Variants in GUCA1C observed in about 807,000 individuals in gnomAD.
GUCA1C encodes the protein guanylate cyclase activator 1C.
Under a neutral mutation model 16.2 loss-of-function variants are expected in GUCA1C, and 15 were observed. The ratio of observed to expected loss-of-function variants is 0.93; its 90% CI spans 0.62 to 1.43. GUCA1C has a LOEUF of 1.43. GUCA1C is among the 40% of genes most tolerant of loss of function. The pLI, the probability that GUCA1C is intolerant of heterozygous loss-of-function variation, is 0.00. For missense variants in GUCA1C, 275 were observed against 244.8 expected, an observed-to-expected ratio of 1.12 and a Z score of -0.82; for synonymous variants, 78 against 85.4, an observed-to-expected ratio of 0.91 and a Z score of 0.48.
intron 1 of GUCA1C, among the ~76,000 whole-genome samples, chr3:108,942,498 C>G (rs925644418): frequency 2.0e-5 from 3 of 152,176 alleles, no homozygotes; most frequent in Non-Finnish European, 2.9e-5. Context: ...TTCGAGGGAA[C>G]AGAAAATCAT....
intron 2 of GUCA1C, among the ~76,000 whole-genome samples, chr3:108,918,872 T>C (rs1363771499): frequency 6.6e-6 from 1 of 152,242 alleles, no homozygotes; most frequent in Non-Finnish European, 1.5e-5. Flanking sequence ...ATTAATTTAT[T>C]TAAACATTTT....
At chr3:108,938,778 T>A (rs1308432906) in intron 1 of GUCA1C, among the ~76,000 whole-genome samples, 1 of 152,222 alleles carries the variant, frequency 6.6e-6, no homozygotes, top group Non-Finnish European at 1.5e-5. Context: ...TCACACACTG[T>A]TGTTCTTGAC....
chr3:108,932,651 G>A (rs1286076839), intron 1 of GUCA1C, among the ~76,000 whole-genome samples: 1 of 152,202 alleles, frequency 6.6e-6, no homozygotes, highest in African/African-American at 2.4e-5. Flanking sequence ...GCCGGGCACG[G>A]TGGCTCACGC....
intron 1 of GUCA1C, among the ~76,000 whole-genome samples, chr3:108,936,348 AG>A (rs1478927905): frequency 4.6e-5 from 7 of 152,212 alleles, no homozygotes; most frequent in Admixed American, 3.3e-4. Flanking sequence ...TCAAAAAAAA[AG>A]AAAGAAAAAA....
At chr3:108,912,711 CA>C (rs10664351) in intron 3 of GUCA1C, among the ~76,000 whole-genome samples, 8,379 of 143,510 alleles carry the variant, frequency 0.058, 342 homozygotes, top group Middle Eastern at 0.094. Context: ...TTGTTAATTT[CA>C]AAAAAAAAAA....
At chr3:108,912,122 A>AATAATAATAATC (rs762101057) in intron 3 of GUCA1C, among the ~76,000 whole-genome samples, 13 of 147,742 alleles carry the variant, frequency 8.8e-5, no homozygotes, top group South Asian at 4.3e-4. Context: ...TAATAATAAT[A>AATAATAATAATC]ATCACCCTTT....
Position 108,920,491 on chromosome 3 carries a change from T to C in GUCA1C, c.299A>G (p.Tyr100Cys). ...AATAGAACCATTTCCATCAGCATCATACAGCTTAAAATACCATTTTAATTT... is the reference window on the plus strand; with the variant it reads ...AATAGAACCATTTCCATCAGCATCACACAGCTTAAAATACCATTTTAATTT... ...EQKLKWYFKL[Y>C]DADGNGSIDK... The change falls in exon 2 of 4, where the codon TAT becomes TGT. Residue 100 changes from tyrosine to cysteine, a missense_variant. Physicochemically the swap from Tyr to Cys is radical, Grantham distance 194 (BLOSUM62 -2). Transcript: ENST00000261047. 6.2e-7 allele frequency: 1 copy of C among 1,604,382 alleles called. No homozygotes were observed. The highest frequency in any genetic ancestry group is 1.1e-5 in the South Asian group (1 of 90,846).
chr3:108,920,996 A>T (rs1347577025), intron 1 of GUCA1C, among the ~76,000 whole-genome samples: 1 of 152,186 alleles, frequency 6.6e-6, no homozygotes, highest in Non-Finnish European at 1.5e-5. Context: ...TGTATTTTAC[A>T]TTCTGCAAGT....
chr3:108,926,101 G>T (rs917578333), intron 1 of GUCA1C, among the ~76,000 whole-genome samples: 1 of 151,550 alleles, frequency 6.6e-6, no homozygotes, highest in African/African-American at 2.4e-5. Context: ...AAAAAAAATT[G>T]GGGAACTCCA....
intron 1 of GUCA1C, among the ~76,000 whole-genome samples, chr3:108,928,480 T>C (rs1222760956): frequency 1.3e-5 from 2 of 152,378 alleles, no homozygotes; most frequent in East Asian, 3.9e-4. Flanking sequence ...TCATGAGTTA[T>C]GCCTTTAGCA....
At chr3:108,910,152 G>A (rs1281840570) in intron 3 of GUCA1C, among the ~76,000 whole-genome samples, 3 of 152,120 alleles carry the variant, frequency 2.0e-5, no homozygotes, top group Non-Finnish European at 4.4e-5. Context: ...ATGGGCTTCC[G>A]TATTTCCCTA....
chr3:108,925,695 G>A (rs1946616706), intron 1 of GUCA1C, among the ~76,000 whole-genome samples: 1 of 152,220 alleles, frequency 6.6e-6, no homozygotes, highest in Non-Finnish European at 1.5e-5. Flanking sequence ...CTGTCTTAAT[G>A]ACCTGTGTAG....
chr3:108,927,222 T>G (rs1946630962), intron 1 of GUCA1C, among the ~76,000 whole-genome samples: 1 of 152,212 alleles, frequency 6.6e-6, no homozygotes, highest in Admixed American at 6.5e-5. Flanking sequence ...ATGATCTTTT[T>G]GTGAAAAATT....
intron 1 of GUCA1C, among the ~76,000 whole-genome samples, chr3:108,932,323 C>CAAAAAAAAA: frequency 9.8e-6 from 1 of 102,042 alleles, no homozygotes; most frequent in Non-Finnish European, 1.9e-5. Context: ...GACCTCCCAC[C>CAAAAAAAAA]AAAAAAAAAA....
intron 1 of GUCA1C, among the ~76,000 whole-genome samples, chr3:108,934,808 C>CTTTTTT (rs71629371): frequency 5.9e-4 from 51 of 86,106 alleles, no homozygotes; most frequent in Admixed American, 7.0e-4. Flanking sequence ...TGTTCTTGAT[C>CTTTTTT]TTTTTTTTTT....
chr3:108,915,874 A>G (rs1159728632), intron 3 of GUCA1C: 1 of 502,338 alleles, frequency 2.0e-6, no homozygotes, highest in African/African-American at 1.9e-5. Flanking sequence ...TATTATTCTG[A>G]TTTATTTGCT....
rs1265015233 is a variant in GUCA1C, at chr3:108,920,593, A to G, written c.205-8T>C. 9.2e-6 allele frequency: 13 copies of G among 1,408,140 alleles called. No homozygotes were observed. The highest frequency in any genetic ancestry group is 1.4e-5 in the African/African-American group (1 of 69,806). 87.2% of individuals were successfully genotyped at this position (1,408,140 alleles called of 1,614,324 possible). ...AAAGTCAACAAATCCATCCTATGGA[A>G]AGTAAGATGAAAAGAGAAATAAATA... is the stretch of plus-strand genomic sequence containing the variant. On this transcript the variant is annotated splice_polypyrimidine_tract_variant and splice_region_variant and intron_variant, in intron 1 of 3. Transcript: ENST00000261047.
At position 108,912,122 on chromosome 3, in the gene GUCA1C, A is replaced by AATAATAATAATAATCATC. The variant is rs762101057; in HGVS notation, c.443-3914_443-3913insGATGATTATTATTATTAT. The stretch of plus-strand genomic sequence containing the variant: ...CCGTCTCAATAATAATAATAATAAT[A>AATAATAATAATAATCATC]ATCACCCTTTTCATTTCCTGTTTGG... On this transcript the variant is annotated intron_variant, in intron 3 of 3. Coordinates refer to ENST00000261047, the MANE Select transcript of GUCA1C (RefSeq NM_005459.4). Among the ~76,000 whole-genome samples, 599 of 147,720 alleles carry AATAATAATAATAATCATC rather than the reference A, an allele frequency of 4.1e-3. 6 individuals carry two copies. Among genetic ancestry groups the AATAATAATAATAATCATC allele is most frequent in the Non-Finnish European group, 4.7e-3 (313 of 67,004 alleles).
intron 1 of GUCA1C, among the ~76,000 whole-genome samples, chr3:108,946,130 T>C (rs1021983484): frequency 6.6e-6 from 1 of 152,158 alleles, no homozygotes; most frequent in Non-Finnish European, 1.5e-5. Flanking sequence ...ATTTTAATGA[T>C]TGTGGTAATT....
Sources: gnomAD v4.1 joint callset for allele counts (sites outside exome capture counted in the v4.1 genomes callset) on GRCh38, gnomAD v4.1.1 for gene constraint, MANE v1.5 for transcripts, NCBI Gene and HGNC (gene_info 2026-07-23, HGNC 2026-07-21) for gene names.